The following ATXN7L1 variants were observed in gnomAD, a reference collection of about 807,000 sequenced individuals.
The protein encoded by ATXN7L1 is ataxin 7 like 1.
ATXN7L1 carries 15 observed loss-of-function variants against 70.8 expected under a neutral mutation model. The ratio of observed to expected loss-of-function variants is 0.21; its 90% confidence interval spans 0.14 to 0.33. The LOEUF is 0.33. Among genes scored for constraint, ATXN7L1 ranks in the 10% least tolerant of loss-of-function variants. The probability of loss-of-function intolerance (pLI) is 1.00; values close to 1 mark genes in which losing one functional copy is unlikely to be tolerated. For synonymous variants in ATXN7L1, 440 were observed against 445.1 expected, an observed-to-expected ratio of 0.99 and a Z score of 0.14; for missense variants, 975 against 1,097.1, an observed-to-expected ratio of 0.89 and a Z score of 1.57.
At chr7:105,637,069 G>A (rs191772216) in intron 7 of ATXN7L1, among the ~76,000 whole-genome samples, 3 of 152,286 alleles carry the variant, frequency 2.0e-5, no homozygotes, top group South Asian at 2.1e-4. Flanking sequence ...AGTGAGGGGT[G>A]GCCAGGAAAG....
intron 4 of ATXN7L1, among the ~76,000 whole-genome samples, chr7:105,661,744 G>C (rs950682229): frequency 2.6e-5 from 4 of 152,172 alleles, no homozygotes; most frequent in African/African-American, 9.7e-5. Context: ...GTTCCTGGAC[G>C]TGTTGGGTAA....
intron 3 of ATXN7L1, among the ~76,000 whole-genome samples, chr7:105,758,514 A>T (rs1451865221): frequency 6.6e-6 from 1 of 152,130 alleles, no homozygotes; most frequent in Non-Finnish European, 1.5e-5. Context: ...CATTGGAAGG[A>T]CTCAAGAGCT....
chr7:105,838,569 A>G (rs76524308), intron 2 of ATXN7L1, among the ~76,000 whole-genome samples: 4,537 of 152,276 alleles, frequency 0.03, 234 homozygotes, highest in African/African-American at 0.1. Flanking sequence ...GTGAAATTCC[A>G]GCCAGGAGCA....
intron 7 of ATXN7L1, among the ~76,000 whole-genome samples, chr7:105,626,337 G>C (rs1347199114): frequency 6.6e-6 from 1 of 152,212 alleles, no homozygotes; most frequent in African/African-American, 2.4e-5. Flanking sequence ...AGTAGAACAA[G>C]AGTTATCAGG....
chr7:105,694,758 G>T (rs1321455474), intron 3 of ATXN7L1, among the ~76,000 whole-genome samples: 2 of 152,202 alleles, frequency 1.3e-5, no homozygotes, highest in African/African-American at 4.8e-5. Context: ...ACAGCCCTAG[G>T]TCTTCCAACT....
chr7:105,645,950 T>C (rs965790085), intron 4 of ATXN7L1, among the ~76,000 whole-genome samples: 1 of 150,936 alleles, frequency 6.6e-6, no homozygotes, highest in Non-Finnish European at 1.5e-5. Context: ...GAGGTTGCAG[T>C]GCACTGAGAT....
intron 2 of ATXN7L1, among the ~76,000 whole-genome samples, chr7:105,847,766 A>G (rs1814283834): frequency 6.6e-6 from 1 of 152,224 alleles, no homozygotes; most frequent in African/African-American, 2.4e-5. Flanking sequence ...GCTAATATAT[A>G]TGAAAAGTGC....
At position 105,788,726 on chromosome 7, in the gene ATXN7L1, A is replaced by G; in HGVS notation, c.251-18T>C. The G allele has an allele frequency of 1.9e-6, 3 of 1,580,468 alleles. No homozygotes were observed. Among genetic ancestry groups the G allele is most frequent in the Non-Finnish European group, 2.6e-6 (3 of 1,149,480 alleles). On this transcript the variant is annotated intron_variant, in intron 2 of 11. Transcript: ENST00000419735. ...GTGCATATCTGTGGGGGAAATGAAA[A>G]CAAGTGTGTTTTGAAAAAGCAATTA...
chr7:105,609,061 G>C (rs538726281), intron 11 of ATXN7L1, among the ~76,000 whole-genome samples: 8 of 152,246 alleles, frequency 5.3e-5, no homozygotes, highest in African/African-American at 1.9e-4. Flanking sequence ...AAACTACTAA[G>C]TCTACCCTGA....
chr7:105,620,113 C>T, intron 9 of ATXN7L1, 87 bp downstream of exon 9: 1 of 1,464,814 alleles, frequency 6.8e-7, no homozygotes, highest in Non-Finnish European at 9.3e-7. Context: ...TATGAAAAGT[C>T]AGCCACTGAC....
Position 105,619,514 on chromosome 7 carries a change from A to G in ATXN7L1, c.1517+686T>C, listed in dbSNP as rs1584330367. 1.2e-4 allele frequency among the ~76,000 whole-genome samples: 2 copies of G among 16,420 alleles called. 1 individual carries two copies. Among genetic ancestry groups the G allele is most frequent in the African/African-American group, 5.8e-4 (2 of 3,426 alleles). The allele number at this position is 16,420 out of a possible 152,430, so 10.8% of individuals were successfully genotyped here. On this transcript the variant is annotated intron_variant, in intron 9 of 11. Coordinates refer to ENST00000419735, the MANE Select transcript of ATXN7L1 (RefSeq NM_020725.2). Reference sequence around the variant, plus strand: ...CAGAAGCATATATATATATATATATATATATATATATATATATTTTTTTTT... The same window carrying G: ...CAGAAGCATATATATATATATATATGTATATATATATATATATTTTTTTTT...
At chr7:105,753,933 T>C (rs1304359523) in intron 3 of ATXN7L1, among the ~76,000 whole-genome samples, 1 of 152,146 alleles carries the variant, frequency 6.6e-6, no homozygotes, top group Admixed American at 6.5e-5. Context: ...ATGTGGGTTG[T>C]AAGGATCCAA....
At chr7:105,862,150 T>C (rs778223854) in intron 2 of ATXN7L1, among the ~76,000 whole-genome samples, 20 of 152,128 alleles carry the variant, frequency 1.3e-4, no homozygotes, top group Admixed American at 1.3e-4. Flanking sequence ...ATGTAACCAG[T>C]TCTGGTGGGC....
chr7:105,869,755 G>A (rs1486825839), intron 2 of ATXN7L1, among the ~76,000 whole-genome samples: 1 of 151,906 alleles, frequency 6.6e-6, no homozygotes, highest in Admixed American at 6.6e-5. Flanking sequence ...TTTTCAAAGT[G>A]ACAAGTGTAG....
At chr7:105,722,804 G>A (rs1053639099) in intron 3 of ATXN7L1, among the ~76,000 whole-genome samples, 7 of 151,708 alleles carry the variant, frequency 4.6e-5, no homozygotes, top group Admixed American at 6.6e-5. Context: ...GGAATTGCTC[G>A]AACCAGGGAA....
At chr7:105,642,657 G>A (rs1299759915) in intron 5 of ATXN7L1, among the ~76,000 whole-genome samples, 181 bp downstream of exon 5, 1 of 152,234 alleles carries the variant, frequency 6.6e-6, no homozygotes, top group Non-Finnish European at 1.5e-5. Context: ...TCTGCCCGGG[G>A]AAGAAGAGAC....
At chr7:105,777,470 CTTCTCTTGGCTTCCGTGTAGTCA>C (rs1802897211) in intron 3 of ATXN7L1, among the ~76,000 whole-genome samples, 1 of 152,208 alleles carries the variant, frequency 6.6e-6, no homozygotes, top group African/African-American at 2.4e-5. Flanking sequence ...GAAACGCTTT[CTTCTCTTGGCTTCCGTGTAGTCA>C]TTCTCTGCTG....
chr7:105,797,404 A>C (rs1290576540), intron 2 of ATXN7L1, among the ~76,000 whole-genome samples: 4 of 152,234 alleles, frequency 2.6e-5, no homozygotes, highest in African/African-American at 7.2e-5. Context: ...CCTCAGGAGA[A>C]GGACCTTTAA....
intron 3 of ATXN7L1, among the ~76,000 whole-genome samples, chr7:105,753,362 A>G (rs780392212): frequency 2.6e-4 from 40 of 152,336 alleles, no homozygotes; most frequent in Admixed American, 1.6e-3. Flanking sequence ...GAGAGAATAC[A>G]CGTGATACAG....
Sources: gnomAD v4.1 joint callset for allele counts (sites outside exome capture counted in the v4.1 genomes callset) on GRCh38, gnomAD v4.1.1 for gene constraint, MANE v1.5 for transcripts, NCBI Gene and HGNC (gene_info 2026-07-23, HGNC 2026-07-21) for gene names.